The following EFCAB8 variants were observed in gnomAD, a reference collection of about 807,000 sequenced individuals.
EFCAB8 encodes the protein EF-hand calcium-binding domain-containing protein 8.
A neutral mutation model predicts 116.3 loss-of-function variants in EFCAB8; 100 were observed. That is an observed-to-expected ratio of 0.86 (90% CI 0.73 to 1.02). EFCAB8 has a LOEUF of 1.02. Among genes scored for constraint, EFCAB8 ranks in the 50% least tolerant of loss-of-function variants. EFCAB8 has a pLI of 0.00. For synonymous variants in EFCAB8, 558 were observed against 567.9 expected (o/e 0.98, Z 0.25); for missense variants, 1,320 against 1,416.9 (o/e 0.93, Z 1.10).
At chr20:32,878,931 T>A in intron 5 of EFCAB8, 124 bp downstream of exon 5, 1 of 742,108 alleles carries the variant, frequency 1.3e-6, no homozygotes, top group Non-Finnish European at 2.3e-6. Flanking sequence ...GGCATCAGCC[T>A]GCTGCCTGAT....
intron 3 of EFCAB8, among the ~76,000 whole-genome samples, chr20:32,870,213 C>T (rs1335398861): frequency 6.6e-6 from 1 of 152,138 alleles, no homozygotes; most frequent in African/African-American, 2.4e-5. Flanking sequence ...AGGGTGATTC[C>T]TGGGTGGTGG....
intron 21 of EFCAB8, 136 bp downstream of exon 21, chr20:32,930,752 G>A: frequency 2.4e-6 from 2 of 822,550 alleles, no homozygotes; most frequent in Non-Finnish European, 3.9e-6. Flanking sequence ...GCAGCGAGGA[G>A]TCCTCTCCTG....
rs1350775423 is a variant in EFCAB8, at chr20:32,960,296, C to T, written c.3393+135C>T. ...GGAGCCTTTGTCCTTTAACAGGATT[C>T]TGGGCCATGGACAGGTCTGGGATGA... On this transcript the variant is annotated intron_variant, in intron 26 of 26. Transcript: ENST00000400522. The T allele has an allele frequency of 1.6e-5, 14 of 854,088 alleles. No homozygotes were observed. In the Admixed American group the frequency reaches 3.4e-4, roughly 21 times the overall value. The allele number at this position is 854,088 out of a possible 1,614,324, so 52.9% of individuals were successfully genotyped here.
chr20:32,908,144 T>G, intron 13 of EFCAB8, 131 bp from the exon 14 acceptor site: 5 of 816,120 alleles, frequency 6.1e-6, no homozygotes, highest in Middle Eastern at 2.5e-4. Flanking sequence ...CAACACCATG[T>G]GTGTGTGTTA....
chr20:32,913,452 C>G (rs778678286), intron 17 of EFCAB8, among the ~76,000 whole-genome samples: 1 of 152,160 alleles, frequency 6.6e-6, no homozygotes, highest in East Asian at 1.9e-4. Flanking sequence ...TTAGGGATTA[C>G]GTTTCAATAT....
At chr20:32,925,693 C>T (rs1354266850) in intron 20 of EFCAB8, among the ~76,000 whole-genome samples, 3 of 152,254 alleles carry the variant, frequency 2.0e-5, no homozygotes, top group Non-Finnish European at 4.4e-5. Context: ...CTGGCCATCT[C>T]CCCAGTAGGG....
intron 13 of EFCAB8, among the ~76,000 whole-genome samples, chr20:32,907,375 G>T (rs1029677102): frequency 6.6e-6 from 1 of 152,158 alleles, no homozygotes; most frequent in Admixed American, 6.5e-5. Flanking sequence ...CCCTGCCCTC[G>T]ATCTGCACCT....
Position 32,911,571 on chromosome 20 carries a change from A to G in EFCAB8, c.1649A>G (p.His550Arg). The G allele has an allele frequency of 6.5e-7, 1 of 1,546,950 alleles. No homozygotes were observed. The highest frequency in any genetic ancestry group is 1.2e-5 in the South Asian group (1 of 83,618). The change falls in exon 16 of 27, where the codon CAC becomes CGC. Residue 550 changes from histidine (H) to arginine (R), a missense_variant. His to Arg is a conservative substitution (Grantham distance 29). Coordinates refer to ENST00000400522, the MANE Select transcript of EFCAB8 (RefSeq NM_001143967.2). ...GAGTTTGCTGTGTCTGGGGGCCAGC[A>G]CGTGGAGATGACCGCCATGGCCCTG... Reference protein sequence around the residue: ...TMEFAVSGGQHVEMTAMALDE... With the variant: ...TMEFAVSGGQRVEMTAMALDE...
At chr20:32,925,573 G>A (rs1388007471) in intron 20 of EFCAB8, among the ~76,000 whole-genome samples, 3 of 152,158 alleles carry the variant, frequency 2.0e-5, no homozygotes, top group African/African-American at 4.8e-5. Context: ...GGCTTGTCTC[G>A]AACTCCTGGC....
intron 7 of EFCAB8, among the ~76,000 whole-genome samples, chr20:32,891,152 C>T (rs1020940406): frequency 6.6e-6 from 1 of 152,202 alleles, no homozygotes; most frequent in Non-Finnish European, 1.5e-5. Context: ...CTCTGTCACC[C>T]AGGCTGGAGT....
At chr20:32,934,747 T>C (rs2146279705) in intron 22 of EFCAB8, among the ~76,000 whole-genome samples, 1 of 152,288 alleles carries the variant, frequency 6.6e-6, no homozygotes, top group East Asian at 1.9e-4. Flanking sequence ...CTGCTCATGC[T>C]CTCTTGCCTG....
chr20:32,918,273 C>G, intron 18 of EFCAB8, 89 bp from the exon 19 acceptor site: 1 of 1,316,706 alleles, frequency 7.6e-7, no homozygotes, highest in Non-Finnish European at 1.1e-6. Context: ...GGCTGGAGGG[C>G]CCTGTGGTGT....
chr20:32,884,781 T>C (rs969551025), intron 5 of EFCAB8, among the ~76,000 whole-genome samples: 2 of 152,162 alleles, frequency 1.3e-5, no homozygotes, highest in Non-Finnish European at 2.9e-5. Context: ...GCTCAAAGAT[T>C]GGGCAGATCA....
intron 14 of EFCAB8, 103 bp from the exon 15 acceptor site, chr20:32,909,718 A>T (rs1048194612): frequency 2.0e-6 from 1 of 498,620 alleles, no homozygotes; most frequent in African/African-American, 2.0e-5. Context: ...TGTGGTCAGG[A>T]CGTCTTGATG....
intron 20 of EFCAB8, among the ~76,000 whole-genome samples, chr20:32,927,839 G>A (rs1267289560): frequency 6.6e-6 from 1 of 152,022 alleles, no homozygotes; most frequent in African/African-American, 2.4e-5. Context: ...TTTTCTTGTA[G>A]TGAAATACAC....
chr20:32,927,760 A>C (rs1372947418), intron 20 of EFCAB8, among the ~76,000 whole-genome samples: 2 of 152,192 alleles, frequency 1.3e-5, no homozygotes, highest in Non-Finnish European at 2.9e-5. Context: ...GCACTTGCAT[A>C]AAGTGGGGGA....
intron 2 of EFCAB8, among the ~76,000 whole-genome samples, chr20:32,866,930 C>CT (rs891768838): frequency 2.6e-4 from 34 of 130,464 alleles, no homozygotes; most frequent in Admixed American, 4.0e-4. Context: ...TCTTTCGTTT[C>CT]TTTTTTTTTT....
intron 3 of EFCAB8, among the ~76,000 whole-genome samples, chr20:32,868,710 TGTG>T (rs1984545242): frequency 6.6e-6 from 1 of 152,062 alleles, no homozygotes; most frequent in Non-Finnish European, 1.5e-5. Context: ...CTGGGACCGG[TGTG>T]GTGGCTCACA....
chr20:32,899,739 TA>T, intron 11 of EFCAB8, among the ~76,000 whole-genome samples: 1 of 151,996 alleles, frequency 6.6e-6, no homozygotes, highest in Non-Finnish European at 1.5e-5. Flanking sequence ...CATGCTCGGC[TA>T]ATTTTGTATT....
Sources: gnomAD v4.1 joint callset for allele counts (sites outside exome capture counted in the v4.1 genomes callset) on GRCh38, gnomAD v4.1.1 for gene constraint, MANE v1.5 for transcripts, NCBI Gene and HGNC (gene_info 2026-07-23, HGNC 2026-07-21) for gene names.